Variants in RANBP2 observed in about 807,000 individuals in gnomAD.
RANBP2 encodes RAN binding protein 2.
A neutral mutation model predicts 303.6 loss-of-function variants in RANBP2; 57 were observed. The ratio of observed to expected loss-of-function variants is 0.19; its 90% confidence interval spans 0.15 to 0.23. The LOEUF is 0.23. Ranked by LOEUF, RANBP2 falls within the 10% of genes least tolerant of loss-of-function variation. The pLI is 1.00. For missense variants in RANBP2, 3,138 were observed against 3,780.8 expected (o/e 0.83, Z 4.46); for synonymous variants, 1,167 against 1,301.5 (o/e 0.90, Z 2.23).
chr2:109,560,162 C>T, the RANBP2 span, among the ~76,000 whole-genome samples: 14 of 152,088 alleles, frequency 9.2e-5, no homozygotes, highest in African/African-American at 3.4e-4. Context: ...CCTCGTGATC[C>T]GCCCGCCTCA....
At chr2:108,724,719 T>A (rs1694552825) in intron 1 of RANBP2, among the ~76,000 whole-genome samples, 2 of 152,104 alleles carry the variant, frequency 1.3e-5, no homozygotes, top group Admixed American at 6.5e-5. Context: ...TTGTTCTGCC[T>A]TTTGAGAGAT....
the RANBP2 span, among the ~76,000 whole-genome samples, chr2:108,889,564 T>TC: frequency 6.6e-6 from 1 of 152,104 alleles, no homozygotes; most frequent in Admixed American, 6.5e-5. Context: ...TCTTTTTTTT[T>TC]TTTCACTGTT....
At chr2:109,500,345 C>A in the RANBP2 span, among the ~76,000 whole-genome samples, 1 of 152,158 alleles carries the variant, frequency 6.6e-6, no homozygotes, top group African/African-American at 2.4e-5. Flanking sequence ...TGCCACAGCC[C>A]AGAGAGCCCC....
At chr2:109,138,637 A>G in the RANBP2 span, among the ~76,000 whole-genome samples, 19,585 of 152,142 alleles carry the variant, frequency 0.13, 1,912 homozygotes, top group African/African-American at 0.27. Flanking sequence ...ATCTGCAGTG[A>G]GGAAGTGGGT....
the RANBP2 span, among the ~76,000 whole-genome samples, chr2:109,400,257 G>A: frequency 1.3e-5 from 2 of 151,076 alleles, no homozygotes; most frequent in Non-Finnish European, 1.5e-5. Context: ...GGACACTTGA[G>A]CACATGCCCG....
chr2:109,063,647 G>A, the RANBP2 span, among the ~76,000 whole-genome samples: 1 of 152,064 alleles, frequency 6.6e-6, no homozygotes, highest in South Asian at 2.1e-4. Context: ...ACACACACAG[G>A]CACATACAAG....
the RANBP2 span, chr2:108,816,015 A>C: frequency 6.2e-7 from 1 of 1,613,872 alleles, no homozygotes; most frequent in Non-Finnish European, 8.5e-7. Context: ...ATCTTAGCAA[A>C]GTGAAACATG....
chr2:108,968,827 G>A, the RANBP2 span, among the ~76,000 whole-genome samples: 2 of 152,210 alleles, frequency 1.3e-5, no homozygotes, highest in African/African-American at 2.4e-5. Context: ...ATCTCCAGGG[G>A]CGTGTACCTG....
the RANBP2 span, among the ~76,000 whole-genome samples, chr2:109,380,811 T>TGG: frequency 6.6e-6 from 1 of 152,136 alleles, no homozygotes; most frequent in Non-Finnish European, 1.5e-5. Context: ...TAGGCAGACA[T>TGG]CAAACTTTTT....
rs771708140 is a variant in RANBP2, at chr2:108,767,842, A to G, written c.7303A>G (p.Ile2435Val). The change falls in exon 20 of 29, where the codon ATT becomes GTT. Residue 2435 changes from isoleucine to valine, a missense_variant. Physicochemically the swap from Ile to Val is conservative, Grantham distance 29. Coordinates refer to ENST00000283195, the MANE Select transcript of RANBP2 (RefSeq NM_006267.5). ...GGATGTTGCAGACTCGTTTAAGAAA[A>G]TTTTTGATGAAGCAAAAACAGCCCA... ...LQDVADSFKKIFDEAKTAQEK... is the reference protein window; with the variant it reads ...LQDVADSFKKVFDEAKTAQEK... 1.9e-5 allele frequency: 31 copies of G among 1,610,036 alleles called. No individual in the cohort carries two copies. The Admixed American group carries it at 4.8e-4, about 25-fold the overall frequency.
At chr2:109,376,971 C>T in the RANBP2 span, among the ~76,000 whole-genome samples, 1 of 152,244 alleles carries the variant, frequency 6.6e-6, no homozygotes, top group Non-Finnish European at 1.5e-5. Context: ...GAGCACCTGT[C>T]CCGGCAGCCA....
chr2:109,206,615 C>T, the RANBP2 span, among the ~76,000 whole-genome samples: 18 of 151,606 alleles, frequency 1.2e-4, no homozygotes, highest in African/African-American at 4.1e-4. Flanking sequence ...CAAGACCAGC[C>T]TGGGAAACAT....
At chr2:109,140,022 G>A in the RANBP2 span, among the ~76,000 whole-genome samples, 1 of 152,210 alleles carries the variant, frequency 6.6e-6, no homozygotes, top group Non-Finnish European at 1.5e-5. Flanking sequence ...TCATGACGTT[G>A]AAACTGTGCC....
the RANBP2 span, among the ~76,000 whole-genome samples, chr2:109,102,928 G>C: frequency 2.0e-5 from 3 of 152,216 alleles, no homozygotes; most frequent in Non-Finnish European, 2.9e-5. Context: ...CTGCAAATGG[G>C]TGAGAGGAGC....
At chr2:109,395,736 G>C in the RANBP2 span, among the ~76,000 whole-genome samples, 3 of 152,226 alleles carry the variant, frequency 2.0e-5, no homozygotes, top group African/African-American at 7.2e-5. Context: ...CTGTGGCACT[G>C]CTGAGGGGCC....
chr2:109,431,837 C>T, the RANBP2 span, among the ~76,000 whole-genome samples: 1 of 151,896 alleles, frequency 6.6e-6, no homozygotes, highest in African/African-American at 2.4e-5. Flanking sequence ...TACCACTGCA[C>T]TCCAGCCTGG....
At chr2:109,025,536 G>A in the RANBP2 span, among the ~76,000 whole-genome samples, 6 of 152,248 alleles carry the variant, frequency 3.9e-5, no homozygotes, top group African/African-American at 1.2e-4. Context: ...GGGCGGGTGC[G>A]GTGGCTCACG....
chr2:109,669,572 C>T, the RANBP2 span, among the ~76,000 whole-genome samples: 2 of 152,200 alleles, frequency 1.3e-5, no homozygotes, highest in African/African-American at 4.8e-5. Flanking sequence ...ACTACTGGAA[C>T]TCTCTTAGCC....
At chr2:108,908,119 G>A in the RANBP2 span, 9 of 1,332,390 alleles carry the variant, frequency 6.8e-6, no homozygotes, top group Non-Finnish European at 9.1e-6. Context: ...GCTGTGGACA[G>A]TGGGGGGCAA....
Sources: gnomAD v4.1 joint callset for allele counts (sites outside exome capture counted in the v4.1 genomes callset) on GRCh38, gnomAD v4.1.1 for gene constraint, MANE v1.5 for transcripts, NCBI Gene and HGNC (gene_info 2026-07-23, HGNC 2026-07-21) for gene names.